Variants in THEMIS observed in about 807,000 individuals in gnomAD.
THEMIS encodes thymocyte selection associated.
THEMIS carries 37 observed loss-of-function variants against 52.6 expected under a neutral mutation model. That is an observed-to-expected ratio of 0.70 (90% CI 0.54 to 0.93). THEMIS has a LOEUF of 0.93. THEMIS is among the 40% of genes least tolerant of loss of function. The pLI is 0.00. For missense variants in THEMIS, 808 were observed against 763.1 expected, an observed-to-expected ratio of 1.06 and a Z score of -0.69; for synonymous variants, 292 against 272.7, an observed-to-expected ratio of 1.07 and a Z score of -0.70.
the THEMIS span, among the ~76,000 whole-genome samples, chr6:127,700,710 T>G: frequency 2.0e-5 from 3 of 152,070 alleles, no homozygotes; most frequent in Non-Finnish European, 4.4e-5. Context: ...TTATATCTGA[T>G]GAAATAAACT....
Position 127,813,050 on chromosome 6 carries a change from G to A in THEMIS, c.1591C>T (p.Leu531=), listed in dbSNP as rs758824851. The change falls in exon 4 of 6, where the codon CTG becomes TTG. Residue 531 remains leucine, a synonymous_variant. Coordinates refer to ENST00000368248, the MANE Select transcript of THEMIS (RefSeq NM_001010923.3). The part of the protein sequence containing the change: ...RDAEPFLVRT[L]VEEITEEQYY... ...TGCTCTTCAGTGATCTCTTCTACCA[G>A]AGTCCTGACTAGAAATGGTTCTGCA... The A allele has an allele frequency of 6.2e-7, 1 of 1,614,084 alleles. No homozygotes were observed. The highest frequency in any genetic ancestry group is 8.5e-7 in the Non-Finnish European group (1 of 1,180,010).
chr6:127,763,098 C>G (rs2114396839), intron 4 of THEMIS, among the ~76,000 whole-genome samples: 1 of 152,042 alleles, frequency 6.6e-6, no homozygotes, highest in South Asian at 2.1e-4. Flanking sequence ...GGTTTACTCT[C>G]TTACCTATTA....
At chr6:127,707,440 T>G (rs1773826406), downstream of THEMIS, among the ~76,000 whole-genome samples, 1 of 152,150 alleles carries the variant, frequency 6.6e-6, no homozygotes, top group African/African-American at 2.4e-5. Context: ...ATGAGATCAT[T>G]CTGGTTCTCA....
At chr6:127,762,252 G>C (rs1001726302) in intron 4 of THEMIS, among the ~76,000 whole-genome samples, 1 of 152,058 alleles carries the variant, frequency 6.6e-6, no homozygotes, top group African/African-American at 2.4e-5. Flanking sequence ...CAGGTGGGAA[G>C]ACAGTGAAAT....
At chr6:127,855,808 A>G (rs270033) in intron 1 of THEMIS, among the ~76,000 whole-genome samples, 96,711 of 151,658 alleles carry the variant, frequency 0.64, 31,044 homozygotes, top group East Asian at 0.83. Context: ...CAGTATTTCA[A>G]TCGTCTTCTT....
chr6:127,827,668 T>C (rs1562283849), intron 3 of THEMIS, among the ~76,000 whole-genome samples: 1 of 152,144 alleles, frequency 6.6e-6, no homozygotes, highest in Non-Finnish European at 1.5e-5. Flanking sequence ...CAAGTTTGGC[T>C]TTTTTCCCCT....
rs578083959 is a variant in THEMIS at position 127,890,103 on chromosome 6, A to T, written c.91+10739T>A. Among the ~76,000 whole-genome samples, 97 of 152,280 alleles carry T rather than the reference A, an allele frequency of 6.4e-4. 1 individual carries two copies. The South Asian group carries it at 6.6e-3, about 10-fold the overall frequency. On this transcript the variant is annotated intron_variant, in intron 1 of 5. Coordinates refer to ENST00000368248, the MANE Select transcript of THEMIS (RefSeq NM_001010923.3). Reference sequence around the variant, plus strand: ...GATTATTTCACAGAGTGATAGCCACAAATATTAATGATAAACCTGCTGTAT... The same window carrying T: ...GATTATTTCACAGAGTGATAGCCACTAATATTAATGATAAACCTGCTGTAT...
In THEMIS at chr6:127,804,363, T is replaced by C. The variant is rs545207152; in HGVS notation, c.1758+8520A>G. Among the ~76,000 whole-genome samples the C allele has an allele frequency of 5.9e-5, 9 of 152,276 alleles. No individual in the cohort carries two copies. In the South Asian group the frequency reaches 1.0e-3, roughly 18 times the overall value. ...ATAAAATCTGGCAACCTGAGTATCA[T>C]TGGTAACCATGACACACCTTATATA... On this transcript the variant is annotated intron_variant, in intron 4 of 5. Transcript: ENST00000368248.
chr6:127,809,808 G>A (rs139804775), intron 4 of THEMIS, among the ~76,000 whole-genome samples: 18 of 150,622 alleles, frequency 1.2e-4, no homozygotes, highest in African/African-American at 2.0e-4. Flanking sequence ...CTGCCACAAA[G>A]CAACTATTTA....
Position 127,801,381 on chromosome 6 carries a change from G to C in THEMIS, c.1758+11502C>G, listed in dbSNP as rs529197457. On this transcript the variant is annotated intron_variant, in intron 4 of 5. Coordinates refer to ENST00000368248, the MANE Select transcript of THEMIS (RefSeq NM_001010923.3). ...CTGTACAGAAAGAGCTGAAATTGTG[G>C]AAAAATAGACACAAGCTCTTATCAT... is the stretch of plus-strand genomic sequence containing the variant. Among the ~76,000 whole-genome samples the C allele has an allele frequency of 1.8e-4, 28 of 152,208 alleles. No individual in the cohort carries two copies. The East Asian group carries it at 2.9e-3, about 16-fold the overall frequency.
chr6:127,767,909 G>A (rs2114421445), intron 4 of THEMIS, among the ~76,000 whole-genome samples: 1 of 152,218 alleles, frequency 6.6e-6, no homozygotes, highest in South Asian at 2.1e-4. Context: ...AAGTTTTTCA[G>A]CTTCATTATA....
At chr6:127,795,660 T>C (rs559164964) in intron 4 of THEMIS, among the ~76,000 whole-genome samples, 1 of 152,270 alleles carries the variant, frequency 6.6e-6, no homozygotes, top group East Asian at 1.9e-4. Flanking sequence ...ATAAAGTGTT[T>C]TACAGGCTCA....
At chr6:127,741,430 A>T (rs993954307) in intron 4 of THEMIS, among the ~76,000 whole-genome samples, 3 of 152,186 alleles carry the variant, frequency 2.0e-5, no homozygotes, top group Admixed American at 6.5e-5. Context: ...AGGAGGAAAA[A>T]ATTGCTAGAT....
chr6:127,801,406 T>C (rs1216139814), intron 4 of THEMIS, among the ~76,000 whole-genome samples: 1 of 152,128 alleles, frequency 6.6e-6, no homozygotes, highest in African/African-American at 2.4e-5. Flanking sequence ...GCTCTTATCA[T>C]GTGAGTGGCT....
intron 4 of THEMIS, among the ~76,000 whole-genome samples, chr6:127,770,163 G>A (rs990907275): frequency 6.6e-6 from 1 of 152,288 alleles, no homozygotes; most frequent in Non-Finnish European, 1.5e-5. Flanking sequence ...GGGCCAAATG[G>A]TATTTCTAGT....
chr6:127,898,552 G>A (rs156063), intron 1 of THEMIS, among the ~76,000 whole-genome samples: 105,541 of 151,594 alleles, frequency 0.7, 37,064 homozygotes, highest in East Asian at 0.97. Context: ...ATGGGAATGT[G>A]TATCAGTACA....
chr6:127,827,989 A>G (rs144673894), intron 3 of THEMIS, among the ~76,000 whole-genome samples: 75 of 151,952 alleles, frequency 4.9e-4, no homozygotes, highest in African/African-American at 1.6e-3. Flanking sequence ...ACTACACTAG[A>G]GCTCCCATCC....
At chr6:127,768,508 A>G (rs1443242659) in intron 4 of THEMIS, among the ~76,000 whole-genome samples, 1 of 152,222 alleles carries the variant, frequency 6.6e-6, no homozygotes, top group Non-Finnish European at 1.5e-5. Flanking sequence ...TAGAGATGCT[A>G]ATCAATGCTT....
chr6:127,890,544 A>G (rs1253461554), intron 1 of THEMIS, among the ~76,000 whole-genome samples: 1 of 152,160 alleles, frequency 6.6e-6, no homozygotes, highest in Non-Finnish European at 1.5e-5. Flanking sequence ...ATCATAGTGA[A>G]TAATAACTTA....
Sources: gnomAD v4.1 joint callset for allele counts (sites outside exome capture counted in the v4.1 genomes callset) on GRCh38, gnomAD v4.1.1 for gene constraint, MANE v1.5 for transcripts, NCBI Gene and HGNC (gene_info 2026-07-23, HGNC 2026-07-21) for gene names.